The following PCLAF variants were observed in gnomAD, a reference collection of about 807,000 sequenced individuals.
The protein encoded by PCLAF is PCNA-associated factor.
Under a neutral mutation model 15.1 loss-of-function variants are expected in PCLAF, and 12 were observed. The observed-to-expected ratio is 0.79, with a 90% CI of 0.51 to 1.29. The LOEUF (loss-of-function observed/expected upper bound fraction) is 1.29. PCLAF is among the 50% of genes most tolerant of loss of function. PCLAF has a pLI of 0.00. For synonymous variants in PCLAF, 33 were observed against 47.1 expected, an observed-to-expected ratio of 0.70 and a Z score of 1.22; for missense variants, 116 against 130.9, an observed-to-expected ratio of 0.89 and a Z score of 0.56.
intron 3 of PCLAF, among the ~76,000 whole-genome samples, chr15:64,370,298 C>G (rs1161410918): frequency 6.7e-6 from 1 of 150,244 alleles, no homozygotes; most frequent in Admixed American, 6.6e-5. Context: ...GTCTCAAACT[C>G]CTGGGCTCAA....
upstream of PCLAF, among the ~76,000 whole-genome samples, chr15:64,384,750 AAAAAG>A (rs980783705): frequency 4.0e-5 from 6 of 151,800 alleles, no homozygotes; most frequent in South Asian, 2.1e-4. Context: ...AAAAAAAAAA[AAAAAG>A]AAAAGAAAAG....
chr15:64,387,377 G>T, intron 1 of PCLAF: 1 of 960,558 alleles, frequency 1.0e-6, no homozygotes, highest in Non-Finnish European at 1.3e-6. Flanking sequence ...GCGAGACTCC[G>T]TCTCAAAATA....
intron 3 of PCLAF, among the ~76,000 whole-genome samples, chr15:64,371,219 C>A (rs1899299277): frequency 6.6e-6 from 1 of 151,372 alleles, no homozygotes; most frequent in South Asian, 2.1e-4. Flanking sequence ...CCGCCCACCT[C>A]GGCCTCCCAA....
intron 2 of PCLAF, among the ~76,000 whole-genome samples, chr15:64,377,478 AAAAAAAAAAAATAT>A (rs1240771356): frequency 2.7e-5 from 1 of 37,318 alleles, no homozygotes; most frequent in African/African-American, 1.0e-4. Flanking sequence ...CTCAAAAAAA[AAAAAAAAAAAATAT>A]ATATATATAT....
intron 3 of PCLAF, among the ~76,000 whole-genome samples, chr15:64,367,157 C>A (rs1472796513): frequency 1.3e-5 from 2 of 151,584 alleles, no homozygotes; most frequent in East Asian, 2.0e-4. Flanking sequence ...AAAAGAAAAA[C>A]CCCAAAATTG....
chr15:64,374,208 T>C lies in PCLAF; in HGVS notation c.290+2535A>G, dbSNP rs183175009. Among the ~76,000 whole-genome samples the C allele has an allele frequency of 5.3e-5, 8 of 152,306 alleles. No individual in the cohort carries two copies. In the East Asian group the frequency reaches 1.5e-3, roughly 29 times the overall value. ...TTAACAATTATTGTGAGCATTTTCC[T>C]GTCATTAAAAATGTAAAAGGTATGG... On this transcript the variant is annotated intron_variant, in intron 3 of 3. Coordinates refer to ENST00000300035, the MANE Select transcript of PCLAF (RefSeq NM_014736.6).
At chr15:64,384,055 T>C (rs2140536473), upstream of PCLAF, among the ~76,000 whole-genome samples, 1 of 151,982 alleles carries the variant, frequency 6.6e-6, no homozygotes, top group Non-Finnish European at 1.5e-5. Context: ...TGGTGTGGAG[T>C]GAACCTGAAA....
At chr15:64,385,739 A>T (rs1899920335), upstream of PCLAF, among the ~76,000 whole-genome samples, 1 of 152,168 alleles carries the variant, frequency 6.6e-6, no homozygotes, top group Non-Finnish European at 1.5e-5. Context: ...CATGTGAGTC[A>T]GTGGACTGAG....
upstream of PCLAF, among the ~76,000 whole-genome samples, chr15:64,384,654 A>C (rs997186770): frequency 6.6e-6 from 1 of 151,242 alleles, no homozygotes; most frequent in Non-Finnish European, 1.5e-5. Flanking sequence ...AGGCAGGAGA[A>C]TCACTGGAAC....
At chr15:64,377,862 C>T (rs1899675357) in intron 2 of PCLAF, among the ~76,000 whole-genome samples, 1 of 145,208 alleles carries the variant, frequency 6.9e-6, no homozygotes, top group African/African-American at 2.5e-5. Context: ...AGTGATTCTC[C>T]TGCCTCAGCC....
chr15:64,377,491 ATATAT>A (rs1566966766), intron 2 of PCLAF, among the ~76,000 whole-genome samples: 335 of 18,378 alleles, frequency 0.018, 53 homozygotes, highest in Non-Finnish European at 0.022. Flanking sequence ...AAAAAAAAAT[ATATAT>A]ATATATATAT....
At chr15:64,381,903 G>A (rs1035849926), upstream of PCLAF, among the ~76,000 whole-genome samples, 1 of 152,162 alleles carries the variant, frequency 6.6e-6, no homozygotes, top group Non-Finnish European at 1.5e-5. Flanking sequence ...TCTTTGTACA[G>A]CATCCATACT....
intron 3 of PCLAF, among the ~76,000 whole-genome samples, chr15:64,370,737 A>G (rs1448780014): frequency 6.6e-6 from 1 of 151,732 alleles, no homozygotes; most frequent in Non-Finnish European, 1.5e-5. Context: ...TACCAGAATC[A>G]AGTCCACTTA....
chr15:64,384,703 T>C (rs1001085278), upstream of PCLAF, among the ~76,000 whole-genome samples: 2 of 148,220 alleles, frequency 1.3e-5, no homozygotes, highest in Non-Finnish European at 1.5e-5. Flanking sequence ...GATCATGCCA[T>C]TGCACTCCAG....
rs28545637 is a variant in PCLAF, at chr15:64,372,237, G to A, written c.290+4506C>T. Among the ~76,000 whole-genome samples, 1,263 of 152,264 alleles carry A rather than the reference G, an allele frequency of 8.3e-3. 17 individuals are homozygous for A. The highest frequency in any genetic ancestry group is 0.029 in the African/African-American group (1,209 of 41,552). ...AATGCCTACTATTTCACTTTTAAGTGTATATGCAAGAATTAGTCATGCTTG... is the reference window on the plus strand; with the variant it reads ...AATGCCTACTATTTCACTTTTAAGTATATATGCAAGAATTAGTCATGCTTG... On this transcript the variant is annotated intron_variant, in intron 3 of 3. Transcript: ENST00000300035.
intron 2 of PCLAF, 67 bp from the exon 3 acceptor site, chr15:64,376,972 T>A: frequency 8.0e-7 from 1 of 1,245,154 alleles, no homozygotes; most frequent in Non-Finnish European, 1.1e-6. Flanking sequence ...TTAAACAACT[T>A]AATTCCTTCT....
chr15:64,379,261 C>T (rs1218785426), intron 2 of PCLAF, among the ~76,000 whole-genome samples: 1 of 151,848 alleles, frequency 6.6e-6, no homozygotes, highest in Admixed American at 6.6e-5. Flanking sequence ...AGGATTGCTT[C>T]AGCCCAGGAG....
intron 3 of PCLAF, among the ~76,000 whole-genome samples, chr15:64,373,963 G>C (rs1429870685): frequency 6.6e-6 from 1 of 151,984 alleles, no homozygotes; most frequent in African/African-American, 2.4e-5. Flanking sequence ...CAAGTGGCGT[G>C]ATTTTTCCCT....
intron 3 of PCLAF, among the ~76,000 whole-genome samples, chr15:64,375,788 G>C (rs542683866): frequency 5.3e-5 from 8 of 152,158 alleles, no homozygotes; most frequent in African/African-American, 1.9e-4. Context: ...AAATTGCCTT[G>C]TAAGAAAAGC....
Sources: gnomAD v4.1 joint callset for allele counts (sites outside exome capture counted in the v4.1 genomes callset) on GRCh38, gnomAD v4.1.1 for gene constraint, MANE v1.5 for transcripts, NCBI Gene and HGNC (gene_info 2026-07-23, HGNC 2026-07-21) for gene names.